The following PPP1R21 variants were observed in gnomAD, a reference collection of about 807,000 sequenced individuals.
The protein encoded by PPP1R21 is KLRAQ motif containing 1.
In PPP1R21, 85 loss-of-function variants were observed where a neutral mutation model predicts 112.8. The observed-to-expected ratio is 0.75, with a 90% CI of 0.63 to 0.90. The LOEUF is 0.90. Ranked by LOEUF, PPP1R21 falls within the 40% of genes least tolerant of loss-of-function variation. The pLI, the probability that PPP1R21 is intolerant of heterozygous loss-of-function variation, is 0.00. For missense variants in PPP1R21, 1,199 were observed against 901.5 expected (o/e 1.33, Z -4.23); for synonymous variants, 381 against 322.3 (o/e 1.18, Z -1.95).
chr2:48,479,646 T>G (rs778419582), intron 12 of PPP1R21: 7 of 602,164 alleles, frequency 1.2e-5, no homozygotes, highest in Non-Finnish European at 2.2e-5. Context: ...ACAAAGACTT[T>G]CGTTTTACAA....
At chr2:48,451,127 GC>G (rs776398655) in intron 2 of PPP1R21, 51 bp downstream of exon 2, 4 of 1,469,620 alleles carry the variant, frequency 2.7e-6, no homozygotes, top group Non-Finnish European at 3.8e-6. Flanking sequence ...ATTTGGTGTT[GC>G]TCAAAGCAGG....
intron 17 of PPP1R21, among the ~76,000 whole-genome samples, chr2:48,503,820 G>A (rs1266674610): frequency 1.3e-5 from 2 of 151,902 alleles, no homozygotes; most frequent in East Asian, 3.9e-4. Context: ...GGGCGTGGTG[G>A]TGGGCACCTG....
chr2:48,441,672 C>A (rs1346310153), intron 1 of PPP1R21, among the ~76,000 whole-genome samples: 1 of 152,190 alleles, frequency 6.6e-6, no homozygotes, highest in African/African-American at 2.4e-5. Context: ...AACATGGGGA[C>A]CTGCCCCTTT....
At chr2:48,509,073 C>A (rs1440611490) in intron 19 of PPP1R21, among the ~76,000 whole-genome samples, 1 of 151,986 alleles carries the variant, frequency 6.6e-6, no homozygotes, top group East Asian at 1.9e-4. Context: ...AATTTCATAC[C>A]CTCTTTGAAC....
intron 6 of PPP1R21, 129 bp from the exon 7 acceptor site, chr2:48,461,009 G>T: frequency 1.4e-6 from 2 of 1,412,820 alleles, no homozygotes; most frequent in Non-Finnish European, 1.8e-6. Flanking sequence ...ACAACTCTCT[G>T]CCAAGAGTAT....
At chr2:48,458,875 G>A (rs563179580) in intron 4 of PPP1R21, among the ~76,000 whole-genome samples, 4 of 152,104 alleles carry the variant, frequency 2.6e-5, no homozygotes, top group African/African-American at 9.6e-5. Flanking sequence ...GGCGGATCAC[G>A]AGGTCAGGAG....
chr2:48,509,621 C>G (rs1478645423), intron 19 of PPP1R21, among the ~76,000 whole-genome samples: 2 of 151,972 alleles, frequency 1.3e-5, no homozygotes, highest in Non-Finnish European at 2.9e-5. Flanking sequence ...AGGAGGATCA[C>G]TTGAACCCGG....
chr2:48,494,667 C>T (rs912564793), intron 15 of PPP1R21, among the ~76,000 whole-genome samples: 2 of 151,742 alleles, frequency 1.3e-5, no homozygotes, highest in Admixed American at 6.6e-5. Context: ...CCACCCGCCT[C>T]GGCCTTCCAA....
At chr2:48,466,208 G>C (rs573933317) in intron 9 of PPP1R21, among the ~76,000 whole-genome samples, 8 of 151,710 alleles carry the variant, frequency 5.3e-5, no homozygotes, top group African/African-American at 1.9e-4. Flanking sequence ...ATATCAGGGA[G>C]GTTTTTTTTT....
At chr2:48,463,000 AAAG>A (rs1334191477) in intron 7 of PPP1R21, among the ~76,000 whole-genome samples, 1 of 152,204 alleles carries the variant, frequency 6.6e-6, no homozygotes, top group African/African-American at 2.4e-5. Context: ...GACCGAAAGA[AAAG>A]AGGTAGACAG....
chr2:48,440,876 G>C lies in PPP1R21; in HGVS notation c.-78G>C. The C allele has an allele frequency of 9.4e-7, 1 of 1,068,730 alleles. No individual in the cohort carries two copies. The highest frequency in any genetic ancestry group is 1.4e-5 in the South Asian group (1 of 73,664). The allele number at this position is 1,068,730 out of a possible 1,614,324, so 66.2% of individuals were successfully genotyped here. A position where few individuals can be genotyped will look rare whatever the true frequency, so the allele number is the denominator to read the frequency against. Reference sequence around the variant, plus strand: ...GGCAGATACTGCCTGACCCGTTCCCGGGAGCGTGTCTGGGTTTGGGGGCGG... The same window carrying C: ...GGCAGATACTGCCTGACCCGTTCCCCGGAGCGTGTCTGGGTTTGGGGGCGG... On this transcript the variant is annotated 5_prime_UTR_variant, in exon 1 of 22. Transcript: ENST00000294952.
chr2:48,486,975 C>G (rs1558490510), intron 14 of PPP1R21, among the ~76,000 whole-genome samples: 1 of 152,200 alleles, frequency 6.6e-6, no homozygotes, highest in Non-Finnish European at 1.5e-5. Context: ...TTGACTCAAA[C>G]TCCTGGACTC....
chr2:48,507,192 CT>C (rs368842819), intron 18 of PPP1R21, 76 bp from the exon 19 acceptor site: 154,742 of 1,093,066 alleles, frequency 0.14, 249 homozygotes, highest in Middle Eastern at 0.19. Flanking sequence ...AAAATGTTGT[CT>C]TTTTTTTTTT....
intron 2 of PPP1R21, 121 bp from the exon 3 acceptor site, chr2:48,454,474 C>T: frequency 1.6e-6 from 2 of 1,234,162 alleles, no homozygotes; most frequent in Non-Finnish European, 2.3e-6. Flanking sequence ...ACACATACAA[C>T]CTGAATTTCC....
In PPP1R21 at chr2:48,480,870, T is replaced by C. The variant is rs574914698; in HGVS notation, c.1318+854T>C. 3.9e-5 allele frequency among the ~76,000 whole-genome samples: 6 copies of C among 152,296 alleles called. No individual in the cohort carries two copies. The South Asian group carries it at 1.2e-3, about 32-fold the overall frequency. Reference sequence around the variant, plus strand: ...TCATAACATGGATAAGAGGCATATATTGGGGGACCTAATCTGTGGCACTGG... The same window carrying C: ...TCATAACATGGATAAGAGGCATATACTGGGGGACCTAATCTGTGGCACTGG... On this transcript the variant is annotated intron_variant, in intron 13 of 21. Transcript: ENST00000294952.
chr2:48,451,155 G>C (rs1572829638), intron 2 of PPP1R21, 79 bp downstream of exon 2: 1 of 1,155,124 alleles, frequency 8.7e-7, no homozygotes, highest in East Asian at 2.4e-5. Context: ...GGGTTTTCTG[G>C]GTTAAAGTTC....
chr2:48,495,609 G>C, intron 15 of PPP1R21, 70 bp from the exon 16 acceptor site: 2 of 807,946 alleles, frequency 2.5e-6, no homozygotes, highest in South Asian at 2.8e-5. Flanking sequence ...AGCATTCTTT[G>C]TGTATGTTGG....
chr2:48,484,397 A>C (rs1669178560), intron 13 of PPP1R21, among the ~76,000 whole-genome samples: 2 of 152,226 alleles, frequency 1.3e-5, no homozygotes, highest in African/African-American at 4.8e-5. Flanking sequence ...GGAAACATAA[A>C]AGGAAAAATA....
intron 15 of PPP1R21, among the ~76,000 whole-genome samples, chr2:48,493,387 G>T (rs1475672009): frequency 1.3e-5 from 2 of 152,076 alleles, no homozygotes; most frequent in Non-Finnish European, 2.9e-5. Flanking sequence ...TGTTTATGTG[G>T]GAAATATTTT....
Sources: gnomAD v4.1 joint callset for allele counts (sites outside exome capture counted in the v4.1 genomes callset) on GRCh38, gnomAD v4.1.1 for gene constraint, MANE v1.5 for transcripts, NCBI Gene and HGNC (gene_info 2026-07-23, HGNC 2026-07-21) for gene names.